The following MADD variants were observed in gnomAD, a reference collection of about 807,000 sequenced individuals.
The protein encoded by MADD is MAP kinase-activating death domain protein.
In MADD, 109 loss-of-function variants were observed where a neutral mutation model predicts 176.7. The ratio of observed to expected loss-of-function variants is 0.62; its 90% CI spans 0.53 to 0.72. The LOEUF (loss-of-function observed/expected upper bound fraction) is 0.72. Ranked by LOEUF, MADD falls within the 30% of genes least tolerant of loss-of-function variation. MADD has a pLI of 0.00. For missense variants in MADD, 1,914 were observed against 2,045.5 expected, an observed-to-expected ratio of 0.94 and a Z score of 1.24; for synonymous variants, 771 against 771.3, an observed-to-expected ratio of 1.00 and a Z score of 0.01.
chr11:47,275,742 A>G (rs1046015721), intron 3 of MADD, among the ~76,000 whole-genome samples, 157 bp from the exon 4 acceptor site: 1 of 152,182 alleles, frequency 6.6e-6, no homozygotes, highest in Non-Finnish European at 1.5e-5. Flanking sequence ...TTGCCATTGT[A>G]TATACTTTCC....
chr11:47,294,005 AT>A, intron 20 of MADD, 22 bp downstream of exon 22: 3 of 1,557,952 alleles, frequency 1.9e-6, no homozygotes, highest in Non-Finnish European at 2.7e-6. Context: ...CCTTGTTGAA[AT>A]TTGCAAGTAT....
At chr11:47,282,294 G>T (rs1451289973) in intron 8 of MADD, 87 bp from the exon 9 acceptor site, 5 of 1,028,706 alleles carry the variant, frequency 4.9e-6, no homozygotes, top group Admixed American at 3.7e-5. Flanking sequence ...CCTGTTAAGT[G>T]ATGGCTTTGG....
chr11:47,317,419 C>T (rs2093384744), intron 27 of MADD, among the ~76,000 whole-genome samples: 1 of 152,130 alleles, frequency 6.6e-6, no homozygotes, highest in Non-Finnish European at 1.5e-5. Context: ...ACGTAATACC[C>T]CCTTTGCCAT....
intron 15 of MADD, 74 bp downstream of exon 15, chr11:47,286,608 C>T: frequency 1.8e-6 from 2 of 1,111,604 alleles, no homozygotes; most frequent in Non-Finnish European, 1.4e-6. Context: ...ATGTCAGGAG[C>T]CCTGCATCTG....
At chr11:47,275,369 GCAACC>G (rs1325704633) in intron 3 of MADD, among the ~76,000 whole-genome samples, 1 of 152,172 alleles carries the variant, frequency 6.6e-6, no homozygotes, top group Non-Finnish European at 1.5e-5. Context: ...TCGGCTCACT[GCAACC>G]CCTGCCTCCT....
chr11:47,292,789 A>T (rs41301447), intron 19 of MADD, among the ~76,000 whole-genome samples, 193 bp downstream of exon 21: 2 of 152,034 alleles, frequency 1.3e-5, no homozygotes, highest in African/African-American at 4.8e-5. Context: ...CCTCGTGTCA[A>T]TCAGGCTATA....
chr11:47,279,031 T>C (rs2053531546), exon 7 of MADD: 1 of 1,613,940 alleles, frequency 6.2e-7, no homozygotes, highest in South Asian at 1.1e-5. Flanking sequence ...AAGTGCTGCC[T>C]ATCCTGCCAG....
Position 47,283,675 on chromosome 11 carries a change from G to A in MADD, c.1863-503G>A, listed in dbSNP as rs542878514. Among the ~76,000 whole-genome samples, 16 of 152,018 alleles carry A rather than the reference G, an allele frequency of 1.1e-4. 1 individual carries two copies. In the East Asian group the frequency reaches 1.8e-3, roughly 17 times the overall value. On this transcript the variant is annotated intron_variant, in intron 10 of 32. Transcript: ENST00000402192. ...CAACCTCCGCCTCTCGGGTTCAAGC[G>A]ATTCTCTTGCCCCAGCCACCCGAGT...
chr11:47,289,872 A>G, exon 17 of MADD: 1 of 1,613,448 alleles, frequency 6.2e-7, no homozygotes, highest in Non-Finnish European at 8.5e-7. Flanking sequence ...TGTAGTGAGA[A>G]CCAGCAGTTC....
In MADD at chr11:47,290,144, T is replaced by C. The variant is rs962535629; in HGVS notation, c.2944-5T>C. The C allele has an allele frequency of 6.2e-7, 1 of 1,613,844 alleles. No individual in the cohort carries two copies. Among genetic ancestry groups the C allele is most frequent in the Non-Finnish European group, 8.5e-7 (1 of 1,179,768 alleles). ...CCAACGCTAGCCCCTGGGTTATTGT[T>C]GCAGGAGATCAGTCGGAAGGTGTAC... On this transcript the variant is annotated splice_polypyrimidine_tract_variant and splice_region_variant and intron_variant, in intron 17 of 32. Coordinates refer to ENST00000402192, the Ensembl canonical transcript of MADD.
chr11:47,272,482 T>C (rs968848750), intron 1 of MADD, among the ~76,000 whole-genome samples: 1 of 152,124 alleles, frequency 6.6e-6, no homozygotes, highest in Non-Finnish European at 1.5e-5. Context: ...AGAGGGTGTG[T>C]GTGTGTATAC....
intron 26 of MADD, among the ~76,000 whole-genome samples, chr11:47,314,977 A>G (rs1418864639): frequency 3.3e-5 from 5 of 152,162 alleles, no homozygotes; most frequent in African/African-American, 7.2e-5. Flanking sequence ...AATTTCTAGT[A>G]TGTAAATATC....
At chr11:47,295,711 A>G (rs942798386) in intron 21 of MADD, 132 bp downstream of exon 23, 10 of 1,545,380 alleles carry the variant, frequency 6.5e-6, no homozygotes, top group Admixed American at 2.0e-5. Flanking sequence ...GATGTTTACC[A>G]TCATAGGTGT....
chr11:47,308,861 A>C (rs896646885), intron 23 of MADD, 119 bp from the exon 26 acceptor site: 4 of 1,084,992 alleles, frequency 3.7e-6, no homozygotes, highest in Non-Finnish European at 5.6e-6. Flanking sequence ...GGTCCAGAAC[A>C]AGCAGTGGGT....
chr11:47,288,387 A>C (rs1303108178), intron 15 of MADD, among the ~76,000 whole-genome samples: 2 of 152,232 alleles, frequency 1.3e-5, no homozygotes, highest in Non-Finnish European at 2.9e-5. Context: ...AGGACATCAG[A>C]GCTGGCAGTG....
intron 27 of MADD, among the ~76,000 whole-genome samples, chr11:47,317,674 A>C (rs555993966): frequency 1.1e-4 from 16 of 152,208 alleles, no homozygotes; most frequent in Admixed American, 7.9e-4. Context: ...GTGGGCTCAG[A>C]TGTGGGCAAC....
rs2064146410 is a variant in MADD, at chr11:47,290,408, C to G, written c.3094+109C>G. The G allele has an allele frequency of 7.0e-6, 10 of 1,424,524 alleles. No homozygotes were observed. In the South Asian group the frequency reaches 1.4e-4, roughly 20 times the overall value. 88.2% of individuals were successfully genotyped at this position (1,424,524 alleles called of 1,614,324 possible). A position where few individuals can be genotyped will look rare whatever the true frequency, so the allele number is the denominator to read the frequency against. The stretch of plus-strand genomic sequence containing the variant: ...CACGTTTCCCAGTGCCACGCTGCTT[C>G]CCATTAGGCTTTGGGATTTTATTTT... On this transcript the variant is annotated intron_variant, in intron 18 of 32. Transcript: ENST00000402192.
chr11:47,325,510 G>T lies in MADD; in HGVS notation c.4542+933G>T, dbSNP rs1207905190. 6.6e-6 allele frequency among the ~76,000 whole-genome samples: 1 copy of T among 152,134 alleles called. No homozygotes were observed. The highest frequency in any genetic ancestry group is 2.4e-5 in the African/African-American group (1 of 41,438). Reference sequence around the variant, plus strand: ...CTGACGTGGCTGTCTCCCTCCCTCCGCTAGCCGTTGTAGCTCTCTTTCAGG... The same window carrying T: ...CTGACGTGGCTGTCTCCCTCCCTCCTCTAGCCGTTGTAGCTCTCTTTCAGG... On this transcript the variant is annotated intron_variant, in intron 30 of 32. Transcript: ENST00000402192. The surrounding 1 kb of genome is among the most constrained non-coding windows in gnomAD (Gnocchi z 4.5).
At chr11:47,327,654 G>A (rs2095601026) in intron 31 of MADD, 1 of 985,308 alleles carries the variant, frequency 1.0e-6, no homozygotes, top group Non-Finnish European at 1.2e-6. Context: ...CTGTCAGAGA[G>A]ATACTTGGGG....
Sources: allele counts gnomAD v4.1 joint callset (sites outside exome capture counted in the v4.1 genomes callset), GRCh38; gene constraint gnomAD v4.1.1; non-coding constraint Gnocchi (gnomAD v3.1); transcripts MANE v1.5; gene names NCBI Gene and HGNC (gene_info 2026-07-23, HGNC 2026-07-21).